RYR3: variants seen among roughly 807,000 people sequenced by gnomAD.
RYR3 encodes the protein ryanodine receptor 3, also known as brain ryanodine receptor-calcium release channel.
RYR3 carries 207 observed loss-of-function variants against 584.3 expected under a neutral mutation model. That is an observed-to-expected ratio of 0.35 (90% CI 0.32 to 0.40). RYR3 has a LOEUF of 0.40. RYR3 is among the 10% of genes least tolerant of loss of function. The pLI is 1.00. For missense variants in RYR3, 5,616 were observed against 6,089.2 expected (o/e 0.92, Z 2.59); for synonymous variants, 2,416 against 2,248.5 (o/e 1.07, Z -2.11).
At chr15:33,488,200 G>A (rs1019968786) in intron 2 of RYR3, among the ~76,000 whole-genome samples, 6 of 152,122 alleles carry the variant, frequency 3.9e-5, no homozygotes, top group African/African-American at 1.4e-4. Flanking sequence ...TTAGTGGTGG[G>A]AATCTTCACA....
At chr15:33,463,560 G>A (rs1303660527) in intron 1 of RYR3, among the ~76,000 whole-genome samples, 1 of 152,018 alleles carries the variant, frequency 6.6e-6, no homozygotes, top group East Asian at 1.9e-4. Context: ...GGAGAAAAAT[G>A]TCATAGGTAA....
intron 95 of RYR3, 35 bp downstream of exon 95, chr15:33,853,122 A>C: frequency 6.5e-7 from 1 of 1,533,994 alleles, no homozygotes; most frequent in Non-Finnish European, 8.8e-7. Context: ...TTCCGTGATC[A>C]CCAAAAAATG....
chr15:33,350,240 G>T (rs1253983833), intron 1 of RYR3, among the ~76,000 whole-genome samples: 1 of 152,058 alleles, frequency 6.6e-6, no homozygotes. Flanking sequence ...CCCAATACAG[G>T]AGCACCCAGA....
chr15:33,671,373 C>A (rs2172854), intron 38 of RYR3, among the ~76,000 whole-genome samples: 3 of 152,128 alleles, frequency 2.0e-5, no homozygotes, highest in Non-Finnish European at 4.4e-5. Flanking sequence ...CTTGGAACAC[C>A]CTTTCAAATC....
chr15:33,603,238 C>T lies in RYR3; in HGVS notation c.2038C>T (p.Leu680=), dbSNP rs771215977. The T allele has an allele frequency of 1.9e-6, 3 of 1,613,934 alleles. No homozygotes were observed. Among genetic ancestry groups the T allele is most frequent in the Non-Finnish European group, 2.5e-6 (3 of 1,179,842 alleles). ...CTTCCTAACAGCAGAGCCCACACAT[C>T]TGCGGGTGGGCTGGGCCTCTTCTTC... ...DPFLTAEPTH[L]RVGWASSSGY... is the part of the protein sequence containing the mutation. The change falls in exon 18 of 104, where the codon CTG becomes TTG. Residue 680 remains leucine, a synonymous_variant. Coordinates refer to ENST00000634891, the MANE Select transcript of RYR3 (RefSeq NM_001036.6).
In RYR3 at chr15:33,859,596, G is replaced by A. The variant is rs865913643; in HGVS notation, c.14164G>A (p.Val4722Met). Reference sequence around the variant, plus strand: ...CTAGTGTTACCTTTTCCACATGTACGTGGGAGTGAGAGCAGGAGGTGGCAT... The same window carrying A: ...CTAGTGTTACCTTTTCCACATGTACATGGGAGTGAGAGCAGGAGGTGGCAT... ...MMTCYLFHMY[V>M]GVRAGGGIGD... The change falls in exon 100 of 104, where the codon GTG (valine) becomes ATG (methionine). Residue 4722 changes from valine (V) to methionine (M), a missense_variant. Val to Met is a conservative substitution (Grantham distance 21, BLOSUM62 1). This residue lies in a region of RYR3 where 918 missense variants were observed against 887.4 expected (regional missense o/e 1.03). Coordinates refer to ENST00000634891, the MANE Select transcript of RYR3 (RefSeq NM_001036.6). The A allele has an allele frequency of 3.7e-6, 6 of 1,613,996 alleles. No individual in the cohort carries two copies. The highest frequency in any genetic ancestry group is 5.1e-6 in the Non-Finnish European group (6 of 1,179,880).
intron 102 of RYR3, among the ~76,000 whole-genome samples, chr15:33,862,893 A>G (rs1360752166): frequency 3.3e-4 from 51 of 152,316 alleles, no homozygotes; most frequent in Non-Finnish European, 4.4e-5. Flanking sequence ...CTGGAATTAG[A>G]GGCGTGAGCC....
At chr15:33,713,187 G>A (rs1276797895) in intron 43 of RYR3, among the ~76,000 whole-genome samples, 2 of 152,144 alleles carry the variant, frequency 1.3e-5, no homozygotes, top group Non-Finnish European at 2.9e-5. Flanking sequence ...AAGTATTCAT[G>A]GTGGGTGATG....
chr15:33,460,887 C>T (rs903405000), intron 1 of RYR3, among the ~76,000 whole-genome samples: 1 of 149,918 alleles, frequency 6.7e-6, no homozygotes, highest in African/African-American at 2.5e-5. Flanking sequence ...ATAGGAACAG[C>T]CCCACTGTAT....
At chr15:33,566,309 G>A (rs2057711785) in intron 11 of RYR3, among the ~76,000 whole-genome samples, 1 of 152,146 alleles carries the variant, frequency 6.6e-6, no homozygotes, top group African/African-American at 2.4e-5. Context: ...TGGAGGAAAA[G>A]GCTTTGAACA....
At chr15:33,500,436 G>A (rs972065954) in intron 2 of RYR3, among the ~76,000 whole-genome samples, 2 of 152,238 alleles carry the variant, frequency 1.3e-5, no homozygotes, top group South Asian at 2.1e-4. Context: ...GATTTATGGA[G>A]CATGGAGGAT....
In RYR3 at chr15:33,728,970, C is replaced by T. The variant is rs2068700053; in HGVS notation, c.7147C>T (p.His2383Tyr). 3.1e-6 allele frequency: 5 copies of T among 1,613,970 alleles called. No homozygotes were observed. Among genetic ancestry groups the T allele is most frequent in the Non-Finnish European group, 4.2e-6 (5 of 1,179,868 alleles). ...YGIKDQTFLLHLLEVGFLPDL... is the reference protein window; with the variant it reads ...YGIKDQTFLLYLLEVGFLPDL... The stretch of plus-strand genomic sequence containing the variant: ...CATTAAGGATCAAACTTTTCTGCTC[C>T]ACTTGCTGGAGGTTGGATTTTTACC... Residue 2383 changes from histidine (H) to tyrosine (Y), a missense_variant, in exon 47 of 104, where the codon CAC becomes TAC. This residue lies in a region of RYR3 where 1,280 missense variants were observed against 1,426.2 expected (regional missense o/e 0.90). Transcript: ENST00000634891.
chr15:33,538,782 G>T (rs544824320), intron 5 of RYR3, among the ~76,000 whole-genome samples: 15 of 152,224 alleles, frequency 9.9e-5, no homozygotes, highest in African/African-American at 3.6e-4. Context: ...CTTACTGAAA[G>T]ACCTGGGTTT....
chr15:33,854,871 C>A lies in RYR3; in HGVS notation c.13966C>A (p.Leu4656Met). The change falls in exon 98 of 104, where the codon CTG becomes ATG. Residue 4656 changes from leucine to methionine, a missense_variant. By Grantham distance (15) the Leu-to-Met change is conservative. Transcript: ENST00000634891. Reference sequence around the variant, plus strand: ...GGACATCGCAATGGGCTTCAAGACACTGAGGACCATTCTGTCATCTGTAAC... The same window carrying A: ...GGACATCGCAATGGGCTTCAAGACAATGAGGACCATTCTGTCATCTGTAAC... ...LLDIAMGFKT[L>M]RTILSSVTHN... The A allele has an allele frequency of 6.2e-7, 1 of 1,613,494 alleles. No homozygotes were observed.
chr15:33,854,242 C>T, intron 96 of RYR3, 147 bp from the exon 97 acceptor site: 1 of 637,944 alleles, frequency 1.6e-6, no homozygotes, highest in Non-Finnish European at 2.7e-6. Flanking sequence ...GTTCTCTTGT[C>T]TCATGGGGAG....
rs1422948207 is a variant in RYR3 at position 33,801,334 on chromosome 15, A to G, written c.9918+477A>G. On this transcript the variant is annotated intron_variant, in intron 68 of 103. Coordinates refer to ENST00000634891, the MANE Select transcript of RYR3 (RefSeq NM_001036.6). ...TGAAGTCTCATATGTGGCCACCCATAGAGACAACAGGTGACAAATGTTTCA... is the reference window on the plus strand; with the variant it reads ...TGAAGTCTCATATGTGGCCACCCATGGAGACAACAGGTGACAAATGTTTCA... Among the ~76,000 whole-genome samples the G allele has an allele frequency of 2.6e-5, 4 of 152,184 alleles. No individual in the cohort carries two copies. The East Asian group carries it at 7.7e-4, about 29-fold the overall frequency.
At chr15:33,532,080 A>AT (rs1438184623) in intron 4 of RYR3, among the ~76,000 whole-genome samples, 1 of 152,174 alleles carries the variant, frequency 6.6e-6, no homozygotes, top group East Asian at 1.9e-4. Context: ...AGCTCTGGGA[A>AT]TAAAGCCTAT....
Position 33,835,083 on chromosome 15 carries a change from C to A in RYR3, c.11568+11C>A. On this transcript the variant is annotated intron_variant, in intron 87 of 103. Coordinates refer to ENST00000634891, the MANE Select transcript of RYR3 (RefSeq NM_001036.6). ...ATGAAACTCTCTCAGGTACTGTGGC[C>A]CATTCCCTGCACGTGTCATTGTTGT... 1 of 1,584,548 alleles carries A rather than the reference C, an allele frequency of 6.3e-7. No individual in the cohort carries two copies. Among genetic ancestry groups the A allele is most frequent in the Non-Finnish European group, 8.7e-7 (1 of 1,154,374 alleles).
At chr15:33,327,012 A>C (rs2140610927) in intron 1 of RYR3, among the ~76,000 whole-genome samples, 1 of 152,016 alleles carries the variant, frequency 6.6e-6, no homozygotes, top group South Asian at 2.1e-4. Flanking sequence ...AGTTTAAAAA[A>C]AAAAAACTCC....
Sources: gnomAD v4.1 joint callset for allele counts (sites outside exome capture counted in the v4.1 genomes callset) on GRCh38, gnomAD v4.1.1 for gene constraint, gnomAD v4.1.1 regional missense constraint, MANE v1.5 for transcripts, NCBI Gene and HGNC (gene_info 2026-07-23, HGNC 2026-07-21) for gene names.